Variants in CFAP54 observed in about 807,000 individuals in gnomAD.
CFAP54 encodes cilia- and flagella-associated protein 54.
In CFAP54, 290 loss-of-function variants were observed where a neutral mutation model predicts 370.4. The observed-to-expected ratio is 0.78, with a 90% CI of 0.71 to 0.86. The LOEUF (loss-of-function observed/expected upper bound fraction) is 0.86, where lower values mean the gene tolerates loss of function less well. Ranked by LOEUF, CFAP54 falls within the 40% of genes least tolerant of loss-of-function variation. CFAP54 has a pLI of 0.00. For synonymous variants in CFAP54, 1,206 were observed against 1,236.5 expected (o/e 0.98, Z 0.52); for missense variants, 3,399 against 3,528.7 (o/e 0.96, Z 0.93).
intron 66 of CFAP54, among the ~76,000 whole-genome samples, chr12:96,852,101 A>G (rs1477721347): frequency 6.6e-6 from 1 of 152,124 alleles, no homozygotes; most frequent in Admixed American, 6.5e-5. Context: ...TTAAACTCTC[A>G]TTTATAGTAG....
At chr12:96,708,089 G>A (rs12367919) in intron 47 of CFAP54, among the ~76,000 whole-genome samples, 13,036 of 152,168 alleles carry the variant, frequency 0.086, 802 homozygotes, top group South Asian at 0.27. Flanking sequence ...TTCAGAGTTA[G>A]AGCTGTGATT....
At chr12:96,674,222 G>GTT (rs1957178036) in intron 39 of CFAP54, among the ~76,000 whole-genome samples, 1 of 152,010 alleles carries the variant, frequency 6.6e-6, no homozygotes, top group Non-Finnish European at 1.5e-5. Flanking sequence ...GTAGGAAGCA[G>GTT]CCCAAATTTC....
intron 26 of CFAP54, among the ~76,000 whole-genome samples, chr12:96,599,503 G>A (rs185524509): frequency 2.6e-5 from 4 of 151,988 alleles, no homozygotes; most frequent in African/African-American, 4.8e-5. Flanking sequence ...GAATGATTTC[G>A]AATCCTTTGG....
chr12:96,734,722 A>G (rs1246692374), intron 50 of CFAP54, among the ~76,000 whole-genome samples: 2 of 152,194 alleles, frequency 1.3e-5, no homozygotes, highest in Non-Finnish European at 2.9e-5. Flanking sequence ...TTTAAGTAGA[A>G]AAAAATACAA....
chr12:96,580,659 C>G lies in CFAP54; in HGVS notation c.2859C>G (p.Asn953Lys), dbSNP rs2136425250. The change falls in exon 21 of 68, where the codon AAC becomes AAG. Residue 953 changes from asparagine (N) to lysine (K), a missense_variant. By Grantham distance (94) the Asn-to-Lys change is moderately conservative. This residue lies in a region of CFAP54 where 2,796 missense variants were observed against 2,869.7 expected (regional missense o/e 0.97). Coordinates refer to ENST00000524981, the MANE Select transcript of CFAP54 (RefSeq NM_001306084.2). Reference protein sequence around the residue: ...AEGSYGKVRLNNNHLPNSGEA... With the variant: ...AEGSYGKVRLKNNHLPNSGEA... ...GAAGTTATGGAAAAGTACGGCTAAA[C>G]AATAATCATCTCCCAAATTCAGGAG... is the stretch of plus-strand genomic sequence containing the variant. 20 of 1,526,932 alleles carry G rather than the reference C, an allele frequency of 1.3e-5. No homozygotes were observed. The highest frequency in any genetic ancestry group is 9.9e-5 in the East Asian group (4 of 40,514). 94.6% of individuals were successfully genotyped at this position (1,526,932 alleles called of 1,614,324 possible).
In CFAP54 at chr12:96,738,608, C is replaced by CTTTTTT. The variant is rs71068829; in HGVS notation, c.6966-1332_6966-1327dup. Among the ~76,000 whole-genome samples, 29 of 129,232 alleles carry CTTTTTT rather than the reference C, an allele frequency of 2.2e-4. 1 individual carries two copies. In the East Asian group the frequency reaches 3.1e-3, roughly 14 times the overall value. The allele number at this position is 129,232 out of a possible 152,430, so 84.8% of individuals were successfully genotyped here. A position where few individuals can be genotyped will look rare whatever the true frequency, so the allele number is the denominator to read the frequency against. The stretch of plus-strand genomic sequence containing the variant: ...CCAAGCACGTCTATGTCTAAATCTC[C>CTTTTTT]TTTTTTTTTTTTTTTTTTTTTGAAA... On this transcript the variant is annotated intron_variant, in intron 50 of 67. Transcript: ENST00000524981.
At chr12:96,543,785 T>G (rs1476253055) in intron 14 of CFAP54, among the ~76,000 whole-genome samples, 1 of 152,166 alleles carries the variant, frequency 6.6e-6, no homozygotes, top group Non-Finnish European at 1.5e-5. Flanking sequence ...AGATCTATTT[T>G]CAGTTCACCC....
intron 15 of CFAP54, among the ~76,000 whole-genome samples, chr12:96,552,406 T>G (rs367697162): frequency 3.9e-5 from 6 of 152,154 alleles, no homozygotes; most frequent in East Asian, 3.9e-4. Flanking sequence ...TGCAGTGGCA[T>G]GATCAGGGCT....
rs1955111490 is a variant in CFAP54 at position 96,507,156 on chromosome 12, T to TA, written c.739+59dup. 7 of 1,315,904 alleles carry TA rather than the reference T, an allele frequency of 5.3e-6. No individual in the cohort carries two copies. The East Asian group carries it at 1.7e-4, about 32-fold the overall frequency. The allele number at this position is 1,315,904 out of a possible 1,614,324, so 81.5% of individuals were successfully genotyped here. ...GTCTTTCAGAAAGTTACTTCAATGCTAAGTTTGACAGTAGCTTGAGTACCT... is the reference window on the plus strand; with the variant it reads ...GTCTTTCAGAAAGTTACTTCAATGCTAAAGTTTGACAGTAGCTTGAGTACCT... On this transcript the variant is annotated intron_variant, in intron 4 of 67. Coordinates refer to ENST00000524981, the MANE Select transcript of CFAP54 (RefSeq NM_001306084.2).
At chr12:96,556,292 A>G (rs963790466) in intron 17 of CFAP54, among the ~76,000 whole-genome samples, 2 of 151,922 alleles carry the variant, frequency 1.3e-5, no homozygotes, top group African/African-American at 4.8e-5. Flanking sequence ...ATAAATTCTC[A>G]TCATCAAAAA....
At chr12:96,595,238 C>T (rs1214488854) in intron 25 of CFAP54, among the ~76,000 whole-genome samples, 1 of 152,042 alleles carries the variant, frequency 6.6e-6, no homozygotes, top group Non-Finnish European at 1.5e-5. Flanking sequence ...AGAGTCTCCT[C>T]CAGTATGCTG....
chr12:96,621,525 A>G (rs1956488459), intron 26 of CFAP54, 65 bp from the exon 27 acceptor site: 1 of 1,103,770 alleles, frequency 9.1e-7, no homozygotes. Context: ...ATGGAAAATG[A>G]TGCATTATAC....
rs1958276835 is a variant in CFAP54 at position 96,757,590 on chromosome 12, T to C, written c.8040+2T>C. On this transcript the variant is annotated splice_donor_variant, in intron 58 of 67. Coordinates refer to ENST00000524981, the MANE Select transcript of CFAP54 (RefSeq NM_001306084.2). LOFTEE classifies it high-confidence loss of function. ...TCAGGATCACCATTAACACTTAAGGTAAGAGTCTATTTTATTAGAAATTAT... is the reference window on the plus strand; with the variant it reads ...TCAGGATCACCATTAACACTTAAGGCAAGAGTCTATTTTATTAGAAATTAT... The C allele has an allele frequency of 5.2e-6, 8 of 1,539,278 alleles. No homozygotes were observed. Among genetic ancestry groups the C allele is most frequent in the Middle Eastern group, 1.8e-4 (1 of 5,628 alleles).
rs955548179 is a variant in CFAP54, at chr12:96,767,865, G to T, written c.8281+2647G>T. Reference sequence around the variant, plus strand: ...ATACTAGCATTGATCTACACATGAGGTGATGAACAACATTTACTGTTACTG... The same window carrying T: ...ATACTAGCATTGATCTACACATGAGTTGATGAACAACATTTACTGTTACTG... On this transcript the variant is annotated intron_variant, in intron 60 of 67. Coordinates refer to ENST00000524981, the MANE Select transcript of CFAP54 (RefSeq NM_001306084.2). Among the ~76,000 whole-genome samples, 12 of 152,274 alleles carry T rather than the reference G, an allele frequency of 7.9e-5. 1 individual carries two copies. Among genetic ancestry groups the T allele is most frequent in the African/African-American group, 2.9e-4 (12 of 41,556 alleles).
chr12:96,601,743 T>C (rs529588193), intron 26 of CFAP54, among the ~76,000 whole-genome samples: 4 of 152,368 alleles, frequency 2.6e-5, no homozygotes, highest in South Asian at 4.1e-4. Context: ...TTTATTTGCA[T>C]AGAGGTGTTT....
chr12:96,754,176 G>A (rs1413786435), intron 56 of CFAP54, among the ~76,000 whole-genome samples: 1 of 152,124 alleles, frequency 6.6e-6, no homozygotes, highest in African/African-American at 2.4e-5. Flanking sequence ...CTGAAAAATG[G>A]CAGCATAGCC....
At chr12:96,586,903 C>T (rs962992630) in intron 22 of CFAP54, among the ~76,000 whole-genome samples, 1 of 152,118 alleles carries the variant, frequency 6.6e-6, no homozygotes, top group African/African-American at 2.4e-5. Flanking sequence ...ACTGCTGTAA[C>T]CCAGTGAGAG....
At chr12:96,680,599 C>T (rs1957258528) in intron 40 of CFAP54, among the ~76,000 whole-genome samples, 1 of 151,680 alleles carries the variant, frequency 6.6e-6, no homozygotes, top group Non-Finnish European at 1.5e-5. Flanking sequence ...GAAATTTGAC[C>T]AATTGTTTTT....
chr12:96,658,045 A>G lies in CFAP54; in HGVS notation c.5264A>G (p.Tyr1755Cys). Residue 1755 changes from tyrosine (Y) to cysteine (C), a missense_variant, in exon 37 of 68, where the codon TAT becomes TGT. By Grantham distance (194) the Tyr-to-Cys change is radical (BLOSUM62 -2). Coordinates refer to ENST00000524981, the MANE Select transcript of CFAP54 (RefSeq NM_001306084.2). The part of the protein sequence containing the change: ...DFVLKSLEVL[Y>C]QVEKWETLVS... ...GTATTAAAATCTCTGGAAGTTTTAT[A>G]TCAAGTGGAAAAATGGGAAACACTA... is the stretch of plus-strand genomic sequence containing the variant. The G allele has an allele frequency of 6.2e-7, 1 of 1,614,048 alleles. No homozygotes were observed. Among genetic ancestry groups the G allele is most frequent in the Non-Finnish European group, 8.5e-7 (1 of 1,179,970 alleles).
Sources: allele counts gnomAD v4.1 joint callset (sites outside exome capture counted in the v4.1 genomes callset), GRCh38; gene constraint gnomAD v4.1.1; regional missense constraint gnomAD v4.1.1; transcripts MANE v1.5; gene names NCBI Gene and HGNC (gene_info 2026-07-23, HGNC 2026-07-21).